WDPCP: variants seen among roughly 807,000 people sequenced by gnomAD.
WDPCP encodes the protein WD repeat-containing and planar cell polarity effector protein fritz homolog.
A neutral mutation model predicts 93.1 loss-of-function variants in WDPCP; 71 were observed. The observed-to-expected ratio is 0.76, with a 90% CI of 0.63 to 0.93. The LOEUF (loss-of-function observed/expected upper bound fraction) is 0.93. WDPCP is among the 40% of genes least tolerant of loss of function. The probability of loss-of-function intolerance (pLI) is 0.00; values close to 1 mark genes in which losing one functional copy is unlikely to be tolerated. For missense variants in WDPCP, 844 were observed against 887.4 expected, an observed-to-expected ratio of 0.95 and a Z score of 0.62; for synonymous variants, 315 against 315.0, an observed-to-expected ratio of 1.00 and a Z score of 0.00.
chr2:63,575,438 AGTGTATACACT>A lies in WDPCP; in HGVS notation c.75+12748_75+12758del, dbSNP rs1707932471. On this transcript the variant is annotated intron_variant, in intron 1 of 17. Transcript: ENST00000272321. Reference sequence around the variant, plus strand: ...TATACACTGTATACAGTGTATATACAGTGTATACACTGTATATACAGTATATATGCAGTATA... The same window carrying A: ...TATACACTGTATACAGTGTATATACAGTATATACAGTATATATGCAGTATA... 8.3e-5 allele frequency among the ~76,000 whole-genome samples: 8 copies of A among 96,968 alleles called. 1 individual carries two copies. Among genetic ancestry groups the A allele is most frequent in the Non-Finnish European group, 1.4e-4 (7 of 49,820 alleles). 63.6% of individuals were successfully genotyped at this position (96,968 alleles called of 152,430 possible). A position where few individuals can be genotyped will look rare whatever the true frequency, so the allele number is the denominator to read the frequency against.
chr2:63,591,903 T>A (rs1358873370), upstream of WDPCP, among the ~76,000 whole-genome samples: 8 of 152,238 alleles, frequency 5.3e-5, no homozygotes, highest in Non-Finnish European at 1.2e-4. Flanking sequence ...TGTTAGGTAA[T>A]TGCTATTATT....
chr2:63,736,903 C>A (rs1669647139), intron 2 of WDPCP, among the ~76,000 whole-genome samples: 1 of 151,668 alleles, frequency 6.6e-6, no homozygotes, highest in Non-Finnish European at 1.5e-5. Context: ...CATATTATGT[C>A]AATCTTATTA....
chr2:63,464,066 CA>C (rs912502221), intron 6 of WDPCP, among the ~76,000 whole-genome samples: 69 of 152,106 alleles, frequency 4.5e-4, no homozygotes, highest in African/African-American at 1.6e-3. Flanking sequence ...ACACAATCAA[CA>C]AAATGAAAAG....
At chr2:63,576,399 T>G (rs1469658725) in intron 1 of WDPCP, among the ~76,000 whole-genome samples, 1 of 152,146 alleles carries the variant, frequency 6.6e-6, no homozygotes, top group Non-Finnish European at 1.5e-5. Context: ...ACCTATCCAT[T>G]TATTATAAAG....
chr2:63,702,682 C>G (rs942924449), intron 2 of WDPCP, among the ~76,000 whole-genome samples: 1 of 151,384 alleles, frequency 6.6e-6, no homozygotes, highest in Non-Finnish European at 1.5e-5. Flanking sequence ...GGACTGCAGG[C>G]GCCCACCACC....
chr2:63,605,934 T>A, intron 3 of WDPCP: 1 of 1,612,130 alleles, frequency 6.2e-7, no homozygotes, highest in Non-Finnish European at 8.5e-7. Flanking sequence ...CATTGTTATT[T>A]TCAGGGAGAG....
intron 2 of WDPCP, among the ~76,000 whole-genome samples, chr2:63,694,439 T>C (rs2103681856): frequency 6.6e-6 from 1 of 152,322 alleles, no homozygotes; most frequent in Admixed American, 6.5e-5. Flanking sequence ...CATGTATTTA[T>C]TGTTTAAATG....
At chr2:63,315,100 T>G (rs980765764) in intron 12 of WDPCP, among the ~76,000 whole-genome samples, 4 of 151,950 alleles carry the variant, frequency 2.6e-5, no homozygotes, top group Admixed American at 2.6e-4. Flanking sequence ...CATAGGACTA[T>G]GAAAAGTAAG....
At chr2:63,322,073 G>A (rs1416336131) in intron 12 of WDPCP, among the ~76,000 whole-genome samples, 4 of 152,172 alleles carry the variant, frequency 2.6e-5, no homozygotes, top group Non-Finnish European at 4.4e-5. Flanking sequence ...TCTAGCTAAA[G>A]AATTGTAAAT....
chr2:63,463,621 G>A (rs1433912555), intron 6 of WDPCP, among the ~76,000 whole-genome samples: 3 of 152,094 alleles, frequency 2.0e-5, no homozygotes, highest in African/African-American at 2.4e-5. Flanking sequence ...AAACAGTGTG[G>A]TTCTGGCATA....
At chr2:63,217,441 G>A (rs759592611) in intron 14 of WDPCP, among the ~76,000 whole-genome samples, 1 of 152,100 alleles carries the variant, frequency 6.6e-6, no homozygotes, top group Non-Finnish European at 1.5e-5. Flanking sequence ...GAAAAGCTGG[G>A]TGTATTAGTA....
chr2:63,353,247 C>T (rs1235969957), intron 12 of WDPCP, among the ~76,000 whole-genome samples: 2 of 152,164 alleles, frequency 1.3e-5, no homozygotes, highest in Non-Finnish European at 1.5e-5. Context: ...CCCTAAGGCA[C>T]ACGTAGAGAC....
At chr2:63,371,500 C>T (rs1335722589) in intron 12 of WDPCP, among the ~76,000 whole-genome samples, 1 of 152,126 alleles carries the variant, frequency 6.6e-6, no homozygotes, top group African/African-American at 2.4e-5. Flanking sequence ...CAATAATCTA[C>T]AAAGTCCTGT....
the WDPCP span, among the ~76,000 whole-genome samples, chr2:63,834,360 CT>C: frequency 1.4e-4 from 22 of 152,172 alleles, no homozygotes; most frequent in Admixed American, 1.4e-3. Context: ...TTTGTAAACT[CT>C]TGTTGTAAGT....
At chr2:63,341,930 A>G (rs761205733) in intron 12 of WDPCP, among the ~76,000 whole-genome samples, 2 of 152,196 alleles carry the variant, frequency 1.3e-5, no homozygotes, top group African/African-American at 2.4e-5. Context: ...GTCTTTGGAT[A>G]TAAAGTGAGT....
At chr2:63,383,857 C>T (rs1313288917) in intron 10 of WDPCP, among the ~76,000 whole-genome samples, 1 of 152,078 alleles carries the variant, frequency 6.6e-6, no homozygotes, top group African/African-American at 2.4e-5. Flanking sequence ...ATTTATAAAA[C>T]ACTGCACCCA....
chr2:63,146,406 GTTTTT>G (rs33976806), intron 17 of WDPCP, among the ~76,000 whole-genome samples: 1 of 130,420 alleles, frequency 7.7e-6, no homozygotes. Context: ...TTGAGAGCGT[GTTTTT>G]TTTTTTTTTT....
At chr2:63,129,063 G>A (rs796752547) in intron 17 of WDPCP, among the ~76,000 whole-genome samples, 3 of 152,202 alleles carry the variant, frequency 2.0e-5, no homozygotes, top group South Asian at 4.1e-4. Context: ...TTCACTTAGC[G>A]TAATGTCTGC....
At chr2:63,624,590 A>T (rs1709786498) in intron 3 of WDPCP, among the ~76,000 whole-genome samples, 1 of 152,194 alleles carries the variant, frequency 6.6e-6, no homozygotes, top group Non-Finnish European at 1.5e-5. Context: ...GAAGAAATGG[A>T]TACATTCCTG....
Sources: allele counts gnomAD v4.1 joint callset (sites outside exome capture counted in the v4.1 genomes callset), GRCh38; gene constraint gnomAD v4.1.1; transcripts MANE v1.5; gene names NCBI Gene and HGNC (gene_info 2026-07-23, HGNC 2026-07-21).